The following CIZ1 variants were observed in gnomAD, a reference collection of about 807,000 sequenced individuals.
CIZ1 encodes cip1-interacting zinc finger protein.
A neutral mutation model predicts 118.6 loss-of-function variants in CIZ1; 58 were observed. The ratio of observed to expected loss-of-function variants is 0.49; its 90% CI spans 0.40 to 0.61. CIZ1 has a LOEUF of 0.61. Among genes scored for constraint, CIZ1 ranks in the 20% least tolerant of loss-of-function variants. The pLI is 0.00. For synonymous variants in CIZ1, 448 were observed against 443.4 expected, an observed-to-expected ratio of 1.01 and a Z score of -0.13; for missense variants, 921 against 1,115.9, an observed-to-expected ratio of 0.83 and a Z score of 2.49.
Position 128,191,496 on chromosome 9 carries a change from C to G in CIZ1, c.-70G>C, listed in dbSNP as rs1833145425. 1 of 999,048 alleles carries G rather than the reference C, an allele frequency of 1.0e-6. No individual in the cohort carries two copies. Among genetic ancestry groups the G allele is most frequent in the East Asian group, 1.0e-4 (1 of 9,934 alleles). The allele number at this position is 999,048 out of a possible 1,614,324, so 61.9% of individuals were successfully genotyped here. On this transcript the variant is annotated 5_prime_UTR_variant, in exon 1 of 17. Transcript: ENST00000372938. This position sits in a 1 kb window ranked among gnomAD's most constrained non-coding sequence, Gnocchi z 5.5. The stretch of plus-strand genomic sequence containing the variant: ...ACGGATGGGCCGGCCCCGCAGCCCC[C>G]ACGCCTCGGCCGGGCGGCTCCGGCC...
intron 11 of CIZ1, among the ~76,000 whole-genome samples, chr9:128,173,301 C>T (rs1046071870): frequency 2.6e-5 from 4 of 151,978 alleles, no homozygotes; most frequent in African/African-American, 7.2e-5. Context: ...CCTGCCACCA[C>T]GCCCGGCTAA....
upstream of CIZ1, among the ~76,000 whole-genome samples, chr9:128,193,615 G>A (rs1833302632): frequency 6.6e-6 from 1 of 152,218 alleles, no homozygotes; most frequent in South Asian, 2.1e-4. Context: ...TCGGGAGGCT[G>A]AGGCAGAAGA....
chr9:128,188,051 A>ACACTGGGTATTATATGCTTTTTAT, intron 3 of CIZ1, 117 bp from the exon 4 acceptor site: 1 of 317,364 alleles, frequency 3.2e-6, no homozygotes, highest in Admixed American at 5.2e-5. Context: ...TAAAACAGCA[A>ACACTGGGTATTATATGCTTTTTAT]AAAAAAAAAA....
intron 8 of CIZ1, 67 bp from the exon 9 acceptor site, chr9:128,178,557 G>A: frequency 6.2e-7 from 1 of 1,610,522 alleles, no homozygotes; most frequent in Admixed American, 1.7e-5. Context: ...TCCGTCCGCA[G>A]CCAGAACCTT....
intron 1 of CIZ1, chr9:128,200,326 A>G (rs1833481489): frequency 1.3e-5 from 2 of 152,048 alleles, no homozygotes; most frequent in Non-Finnish European, 1.5e-5. Context: ...CTGGTTTTAC[A>G]ATAAGTTTCA....
In CIZ1 at chr9:128,166,867, C is replaced by A; in HGVS notation, c.2379G>T (p.Leu793=). 2 of 1,614,222 alleles carry A rather than the reference C, an allele frequency of 1.2e-6. No homozygotes were observed. Among genetic ancestry groups the A allele is most frequent in the Middle Eastern group, 3.3e-4 (2 of 6,062 alleles). Residue 793 remains leucine, a synonymous_variant, in exon 16 of 17, where the codon CTG becomes CTT. Coordinates refer to ENST00000372938, the MANE Select transcript of CIZ1 (RefSeq NM_001131016.2). This position sits in a 1 kb window ranked among gnomAD's most constrained non-coding sequence, Gnocchi z 4.4. ...GGCAGATATAGCCCATCACGGGCAC[C>A]AGGAAGTCCACACCTGTAGGATGGG... The part of the protein sequence containing the change: ...SPNTAYGVDF[L]VPVMGYICRI...
Position 128,176,430 on chromosome 9 carries a change from C to G in CIZ1, c.1864G>C (p.Gly622Arg). ...MSEPQHQQRL[G>R]EIQHMSQACL... ...GCTTGGCTCATGTGCTGGATCTCCC[C>G]TAGCCGCTGCTGGTGCTGAGGCTCC... Residue 622 changes from glycine to arginine, a missense_variant, in exon 11 of 17, where the codon GGG becomes CGG. Coordinates refer to ENST00000372938, the MANE Select transcript of CIZ1 (RefSeq NM_001131016.2). The G allele has an allele frequency of 6.2e-7, 1 of 1,613,760 alleles. No homozygotes were observed. The highest frequency in any genetic ancestry group is 1.1e-5 in the South Asian group (1 of 91,076).
intron 11 of CIZ1, among the ~76,000 whole-genome samples, chr9:128,172,024 G>A (rs894524387): frequency 2.6e-5 from 4 of 151,850 alleles, no homozygotes; most frequent in African/African-American, 9.7e-5. Context: ...CATACCGCTG[G>A]TTCACGCCTG....
intron 11 of CIZ1, among the ~76,000 whole-genome samples, chr9:128,174,946 C>T (rs1036748924): frequency 2.0e-5 from 3 of 152,238 alleles, no homozygotes; most frequent in African/African-American, 7.2e-5. Flanking sequence ...GCCTGAGCCA[C>T]TGCGCCTGAC....
At chr9:128,200,667 A>AG (rs1401420668) in intron 1 of CIZ1, among the ~76,000 whole-genome samples, 2 of 150,954 alleles carry the variant, frequency 1.3e-5, no homozygotes, top group Non-Finnish European at 3.0e-5. Flanking sequence ...CAAAAAAAAA[A>AG]AAAGAAAGAA....
At chr9:128,175,631 G>A (rs1029773910) in intron 11 of CIZ1, among the ~76,000 whole-genome samples, 3 of 152,172 alleles carry the variant, frequency 2.0e-5, no homozygotes, top group African/African-American at 4.8e-5. Context: ...TTTGCTCTCC[G>A]TAGGGTTTGT....
Position 128,179,415 on chromosome 9 carries a change from G to C in CIZ1, c.792C>G (p.Ser264Arg), listed in dbSNP as rs1831279619. The C allele has an allele frequency of 2.6e-6, 4 of 1,567,038 alleles. No individual in the cohort carries two copies. The highest frequency in any genetic ancestry group is 3.4e-6 in the Non-Finnish European group (4 of 1,160,780). ...GTTCCTTCTCTGTGGGCTCTTCTGA[G>C]CTAGGAAGGATCAAAAAAAAATCCC... ...ASELPAKRLR[S>R]SEEPTEKEPP... The change falls in exon 8 of 17, where the codon AGC becomes AGG. Residue 264 changes from serine to arginine, a missense_variant and splice_region_variant. By Grantham distance (110) the Ser-to-Arg change is moderately radical. Coordinates refer to ENST00000372938, the MANE Select transcript of CIZ1 (RefSeq NM_001131016.2).
chr9:128,177,691 G>T lies in CIZ1; in HGVS notation c.1693C>A (p.Pro565Thr). Residue 565 changes from proline to threonine, a missense_variant, in exon 10 of 17, where the codon CCC becomes ACC. Pro to Thr is a conservative substitution (Grantham distance 38). Coordinates refer to ENST00000372938, the MANE Select transcript of CIZ1 (RefSeq NM_001131016.2). Reference protein sequence around the residue: ...SSDSRAFSTVPLTPVPRPSDS... With the variant: ...SSDSRAFSTVTLTPVPRPSDS... ...CTGGGGCGGGGGACAGGTGTCAGGG[G>T]TACAGTGCTAAAGGCCCGGCTGTCA... 3 of 1,606,684 alleles carry T rather than the reference G, an allele frequency of 1.9e-6. No individual in the cohort carries two copies. The African/African-American group carries it at 4.0e-5, about 21-fold the overall frequency.
chr9:128,181,983 T>C (rs950375505), intron 5 of CIZ1, among the ~76,000 whole-genome samples: 3 of 152,220 alleles, frequency 2.0e-5, no homozygotes, highest in East Asian at 1.9e-4. Context: ...AGTAGTCAAT[T>C]AGTGAAAATA....
chr9:128,191,460 A>T lies in CIZ1; in HGVS notation c.-34T>A. ...GCCTCCCCGCGCGCCCTCAACGCTCAAGTCGCCCCCACGGATGGGCCGGCC... is the reference window on the plus strand; with the variant it reads ...GCCTCCCCGCGCGCCCTCAACGCTCTAGTCGCCCCCACGGATGGGCCGGCC... On this transcript the variant is annotated 5_prime_UTR_variant, in exon 1 of 17. Coordinates refer to ENST00000372938, the MANE Select transcript of CIZ1 (RefSeq NM_001131016.2). This position sits in a 1 kb window ranked among gnomAD's most constrained non-coding sequence, Gnocchi z 5.5. 1 of 981,762 alleles carries T rather than the reference A, an allele frequency of 1.0e-6. No homozygotes were observed. The highest frequency in any genetic ancestry group is 1.1e-4 in the East Asian group (1 of 9,044). The allele number at this position is 981,762 out of a possible 1,614,324, so 60.8% of individuals were successfully genotyped here.
chr9:128,170,147 G>C, intron 11 of CIZ1, 40 bp from the exon 12 acceptor site: 1 of 1,560,864 alleles, frequency 6.4e-7, no homozygotes, highest in Non-Finnish European at 8.8e-7. Context: ...TGTGACGCCA[G>C]AAAGACAGCA....
rs768712577 is a variant in CIZ1, at chr9:128,190,776, G to GCTGCTGGAGCTGCTGCTGCTGTAA, written c.58_81dup (p.Leu20_Gln27dup). On this transcript the variant is annotated inframe_insertion, in exon 2 of 17. Transcript: ENST00000372938. ...AGTAACTGCTGCTGCTGCAATTGCT[G>GCTGCTGGAGCTGCTGCTGCTGTAA]CTGCTGGAGCTGCTGCTGCTGTAAC... 4.1e-4 allele frequency: 636 copies of GCTGCTGGAGCTGCTGCTGCTGTAA among 1,539,544 alleles called. 2 individuals carry two copies. Among genetic ancestry groups the GCTGCTGGAGCTGCTGCTGCTGTAA allele is most frequent in the Admixed American group, 5.5e-4 (28 of 50,870 alleles).
intron 11 of CIZ1, among the ~76,000 whole-genome samples, chr9:128,171,186 C>A (rs1185235599): frequency 2.0e-5 from 3 of 152,062 alleles, no homozygotes; most frequent in Admixed American, 1.3e-4. Flanking sequence ...AATCCCAGCA[C>A]TTTGGGAGGC....
At chr9:128,179,821 C>T (rs988038645) in intron 7 of CIZ1, among the ~76,000 whole-genome samples, 9 of 152,010 alleles carry the variant, frequency 5.9e-5, no homozygotes, top group Non-Finnish European at 8.8e-5. Context: ...TACAGACATG[C>T]GCCACCACAC....
Sources: allele counts gnomAD v4.1 joint callset (sites outside exome capture counted in the v4.1 genomes callset), GRCh38; gene constraint gnomAD v4.1.1; non-coding constraint Gnocchi (gnomAD v3.1); transcripts MANE v1.5; gene names NCBI Gene and HGNC (gene_info 2026-07-23, HGNC 2026-07-21).